DCDC1: variants seen among roughly 807,000 people sequenced by gnomAD.
DCDC1 encodes the protein doublecortin domain-containing protein 1.
Under a neutral mutation model 178.3 loss-of-function variants are expected in DCDC1, and 200 were observed. The observed-to-expected ratio is 1.12, with a 90% CI of 1.00 to 1.26. DCDC1 has a LOEUF of 1.26. DCDC1 is among the 50% of genes most tolerant of loss of function. The probability of loss-of-function intolerance (pLI) is 0.00; values close to 1 mark genes in which losing one functional copy is unlikely to be tolerated. For synonymous variants in DCDC1, 690 were observed against 604.8 expected (o/e 1.14, Z -2.07); for missense variants, 1,983 against 1,749.2 (o/e 1.13, Z -2.38).
intron 36 of DCDC1, among the ~76,000 whole-genome samples, chr11:30,890,786 T>C (rs1943704906): frequency 1.3e-5 from 2 of 152,232 alleles, no homozygotes; most frequent in Non-Finnish European, 1.5e-5. Context: ...AATGCTTCTT[T>C]CACTAAGTAT....
chr11:31,156,119 C>T (rs1965694447), intron 9 of DCDC1: 1 of 152,024 alleles, frequency 6.6e-6, no homozygotes, highest in South Asian at 2.1e-4. Context: ...GAGGCAAAAA[C>T]AAGGATAAAA....
chr11:31,289,695 C>A (rs1024786952), intron 7 of DCDC1, among the ~76,000 whole-genome samples: 1 of 151,942 alleles, frequency 6.6e-6, no homozygotes, highest in Non-Finnish European at 1.5e-5. Context: ...GACTAGAAAA[C>A]ATTTAATGAG....
At chr11:31,179,242 G>A (rs1489478085) in intron 9 of DCDC1, among the ~76,000 whole-genome samples, 2 of 152,148 alleles carry the variant, frequency 1.3e-5, no homozygotes, top group Non-Finnish European at 2.9e-5. Context: ...CTGTTGGTGG[G>A]ATTGAAAACT....
chr11:31,206,467 G>A (rs1423100867), intron 9 of DCDC1, among the ~76,000 whole-genome samples: 1 of 152,192 alleles, frequency 6.6e-6, no homozygotes, highest in Non-Finnish European at 1.5e-5. Flanking sequence ...AGGCTGGAGT[G>A]CAGTGGAGTG....
At chr11:31,076,628 G>A (rs975309756) in intron 18 of DCDC1, among the ~76,000 whole-genome samples, 1 of 152,138 alleles carries the variant, frequency 6.6e-6, no homozygotes, top group Non-Finnish European at 1.5e-5. Context: ...ACAGGTATGA[G>A]TCACCATGCC....
intron 9 of DCDC1, among the ~76,000 whole-genome samples, chr11:31,189,640 G>C: frequency 6.6e-6 from 1 of 152,162 alleles, no homozygotes; most frequent in East Asian, 1.9e-4. Context: ...TCTAGAGGCT[G>C]TCAGCTTTCC....
intron 20 of DCDC1, among the ~76,000 whole-genome samples, chr11:31,047,457 T>C (rs1208575180): frequency 6.6e-6 from 1 of 152,202 alleles, no homozygotes; most frequent in African/African-American, 2.4e-5. Context: ...TCATTAGTTT[T>C]TTAAGGGTTA....
intron 20 of DCDC1, among the ~76,000 whole-genome samples, chr11:31,004,298 G>T (rs1305212088): frequency 6.6e-6 from 1 of 152,070 alleles, no homozygotes; most frequent in East Asian, 1.9e-4. Context: ...GTATAGGACA[G>T]TAAATTTATC....
intron 20 of DCDC1, among the ~76,000 whole-genome samples, chr11:31,044,040 TC>T (rs1024629345): frequency 3.9e-5 from 6 of 152,056 alleles, no homozygotes; most frequent in Non-Finnish European, 8.8e-5. Context: ...GAGATATCAC[TC>T]CCATAATTAT....
At chr11:31,125,737 G>C (rs1472601126) in intron 11 of DCDC1, among the ~76,000 whole-genome samples, 1 of 152,040 alleles carries the variant, frequency 6.6e-6, no homozygotes, top group Admixed American at 6.6e-5. Context: ...AGAACACGTG[G>C]ACATAGGGAG....
rs913300035 is a variant in DCDC1, at chr11:31,241,485, G to T, written c.1186C>A (p.Gln396Lys). Residue 396 changes from glutamine (Q) to lysine (K), a missense_variant, in exon 9 of 39, where the codon CAA (glutamine) becomes AAA (lysine). Gln to Lys is a moderately conservative substitution (Grantham distance 53). Transcript: ENST00000684477. The stretch of plus-strand genomic sequence containing the variant: ...TATTTTTTTGCAGACTTTAATCGTT[G>T]GTACAGGGCCAAAAGAACTCCTTGG... ...YIQGVLLALY[Q>K]RLKSAKKYYK... 7 of 397,188 alleles carry T rather than the reference G, an allele frequency of 1.8e-5. No individual in the cohort carries two copies. The highest frequency in any genetic ancestry group is 3.1e-5 in the Non-Finnish European group (7 of 224,888). The allele number at this position is 397,188 out of a possible 1,614,324, so 24.6% of individuals were successfully genotyped here. A position where few individuals can be genotyped will look rare whatever the true frequency, so the allele number is the denominator to read the frequency against.
At chr11:31,052,539 C>T (rs182174993) in intron 20 of DCDC1, among the ~76,000 whole-genome samples, 16 of 152,192 alleles carry the variant, frequency 1.1e-4, no homozygotes, top group East Asian at 3.9e-4. Flanking sequence ...ATCCAACAAC[C>T]GTGGAATACA....
At chr11:31,166,837 G>A (rs1196494958) in intron 9 of DCDC1, among the ~76,000 whole-genome samples, 1 of 152,074 alleles carries the variant, frequency 6.6e-6, no homozygotes, top group Non-Finnish European at 1.5e-5. Context: ...AGCTCTTTAT[G>A]CCCCACCAAG....
chr11:31,124,710 C>A (rs1433397063), intron 11 of DCDC1, among the ~76,000 whole-genome samples: 1 of 152,054 alleles, frequency 6.6e-6, no homozygotes. Context: ...ATAAATGGTG[C>A]TGCAACAACT....
intron 8 of DCDC1, among the ~76,000 whole-genome samples, chr11:31,249,793 T>C (rs990632643): frequency 1.7e-4 from 26 of 152,166 alleles, no homozygotes; most frequent in African/African-American, 6.0e-4. Context: ...AACTCAATGA[T>C]TGAAGAGAGG....
chr11:31,026,796 G>A (rs1016289846), intron 20 of DCDC1, among the ~76,000 whole-genome samples: 1 of 151,716 alleles, frequency 6.6e-6, no homozygotes, highest in Non-Finnish European at 1.5e-5. Flanking sequence ...AAAATTATGA[G>A]ACTCTAGCCT....
At chr11:30,872,218 C>T (rs1182984590) in intron 38 of DCDC1, among the ~76,000 whole-genome samples, 2 of 152,060 alleles carry the variant, frequency 1.3e-5, no homozygotes, top group East Asian at 3.9e-4. Context: ...GCAACTAAAA[C>T]AGTCCTAGTG....
In DCDC1 at chr11:31,115,390, G is replaced by A. The variant is rs114669262; in HGVS notation, c.1486-5029C>T. Reference sequence around the variant, plus strand: ...CCAAACTCTCCATAACCACTGGGCAGACCACCCAGGAAGCTCTTCTGTGCG... The same window carrying A: ...CCAAACTCTCCATAACCACTGGGCAAACCACCCAGGAAGCTCTTCTGTGCG... On this transcript the variant is annotated intron_variant, in intron 11 of 38. Transcript: ENST00000684477. Among the ~76,000 whole-genome samples the A allele has an allele frequency of 6.0e-3, 920 of 152,246 alleles. 12 individuals carry two copies. Among genetic ancestry groups the A allele is most frequent in the African/African-American group, 0.021 (885 of 41,564 alleles).
Position 31,307,810 on chromosome 11 carries a change from A to G in DCDC1, c.263T>C (p.Val88Ala). 6.2e-7 allele frequency: 1 copy of G among 1,614,154 alleles called. No individual in the cohort carries two copies. The highest frequency in any genetic ancestry group is 8.5e-7 in the Non-Finnish European group (1 of 1,180,004). The change falls in exon 4 of 39, where the codon GTA (valine) becomes GCA (alanine). Residue 88 changes from valine to alanine, a missense_variant. Physicochemically the swap from Val to Ala is moderately conservative, Grantham distance 64. Coordinates refer to ENST00000684477, the MANE Select transcript of DCDC1 (RefSeq NM_001387274.1). ...GPNRLVHSAA[V>A]SEGSGLQDCS... ...ATCTTGAAGTCCTGACCCTTCTGAT[A>G]CTGCTGCTGAATGCACGAGTCTGTT...
Sources: allele counts gnomAD v4.1 joint callset (sites outside exome capture counted in the v4.1 genomes callset), GRCh38; gene constraint gnomAD v4.1.1; transcripts MANE v1.5; gene names NCBI Gene and HGNC (gene_info 2026-07-23, HGNC 2026-07-21).